The following AMZ1 variants were observed in gnomAD, a reference collection of about 807,000 sequenced individuals.
AMZ1 encodes the protein archaemetzincin-1.
A neutral mutation model predicts 29.9 loss-of-function variants in AMZ1; 39 were observed. That is an observed-to-expected ratio of 1.30 (90% CI 1.01 to 1.70). The LOEUF (loss-of-function observed/expected upper bound fraction) is 1.70, where lower values mean the gene tolerates loss of function less well. Among genes scored for constraint, AMZ1 ranks in the 40% most tolerant of loss-of-function variants. AMZ1 has a pLI of 0.00. For synonymous variants in AMZ1, 458 were observed against 304.0 expected (o/e 1.51, Z -5.27); for missense variants, 1,041 against 680.6 (o/e 1.53, Z -5.89).
intron 4 of AMZ1, 40 bp from the exon 5 acceptor site, chr7:2,709,035 G>T (rs773255375): frequency 2.6e-6 from 4 of 1,530,362 alleles, no homozygotes; most frequent in Admixed American, 2.1e-5. Flanking sequence ...CAGAGCCAAG[G>T]CTGACCCCTG....
At chr7:2,756,676 G>C (rs1422014423) in intron 4 of AMZ1, among the ~76,000 whole-genome samples, 1 of 152,222 alleles carries the variant, frequency 6.6e-6, no homozygotes, top group Non-Finnish European at 1.5e-5. Context: ...AAAGATTTCT[G>C]TGCTGTCAGA....
At chr7:2,761,220 G>A (rs1052743958), upstream of AMZ1, among the ~76,000 whole-genome samples, 2 of 151,994 alleles carry the variant, frequency 1.3e-5, no homozygotes, top group African/African-American at 2.4e-5. Flanking sequence ...CAGCAGCCCC[G>A]GCTCTGCTAC....
upstream of AMZ1, chr7:2,762,731 C>G: frequency 6.4e-7 from 1 of 1,557,340 alleles, no homozygotes; most frequent in Non-Finnish European, 8.7e-7. Context: ...GGCCCCATGT[C>G]CTCCCTCCCG....
At chr7:2,733,610 AT>A in intron 4 of AMZ1, 1 of 789,458 alleles carries the variant, frequency 1.3e-6, no homozygotes, top group Non-Finnish European at 2.2e-6. Context: ...CTCCGTGTGA[AT>A]GGGAAAGCAA....
chr7:2,705,059 G>A (rs2115131977), intron 3 of AMZ1, among the ~76,000 whole-genome samples: 1 of 152,328 alleles, frequency 6.6e-6, no homozygotes, highest in East Asian at 1.9e-4. Context: ...CAGTTATCCT[G>A]CTTCATTGTG....
At chr7:2,735,163 C>T (rs1176974951) in intron 4 of AMZ1, among the ~76,000 whole-genome samples, 1 of 152,182 alleles carries the variant, frequency 6.6e-6, no homozygotes, top group African/African-American at 2.4e-5. Flanking sequence ...TCTCCTGCCT[C>T]CTCCTGCTCT....
At chr7:2,680,216 T>A (rs946202694) in intron 1 of AMZ1, among the ~76,000 whole-genome samples, 1 of 151,986 alleles carries the variant, frequency 6.6e-6, no homozygotes, top group Non-Finnish European at 1.5e-5. Flanking sequence ...TTTCCTGGGA[T>A]GGGAGGCGCT....
chr7:2,763,230 A>ACC, upstream of AMZ1: 3 of 370,382 alleles, frequency 8.1e-6, no homozygotes, highest in Non-Finnish European at 3.9e-6. Flanking sequence ...ACACACACAC[A>ACC]CGGTCTCAAC....
At chr7:2,708,996 G>C (rs1281077264) in intron 4 of AMZ1, 79 bp from the exon 5 acceptor site, 2 of 1,466,142 alleles carry the variant, frequency 1.4e-6, no homozygotes, top group Admixed American at 2.4e-5. Context: ...TTGCATGAGA[G>C]CATGAGGTGG....
intron 2 of AMZ1, chr7:2,702,481 C>T (rs1374144234): frequency 9.3e-6 from 5 of 537,012 alleles, no homozygotes; most frequent in Non-Finnish European, 1.6e-5. Flanking sequence ...AGCTCATATG[C>T]GATTGTCACT....
At position 2,741,354 on chromosome 7, in the gene AMZ1, C is replaced by G. The variant is rs114194473; in HGVS notation, n.551-23358C>G. On this transcript the variant is annotated intron_variant and non_coding_transcript_variant, in intron 4 of 4. Coordinates refer to the AMZ1 transcript ENST00000489665. ...TGGGCAACAGAGTGAGACACTGTCT[C>G]TTAAAAAAAACCCAAAAACCTAAAT... Among the ~76,000 whole-genome samples, 814 of 152,162 alleles carry G rather than the reference C, an allele frequency of 5.3e-3. 7 individuals carry two copies. Among genetic ancestry groups the G allele is most frequent in the African/African-American group, 0.018 (757 of 41,498 alleles).
At chr7:2,709,332 TCA>T in intron 5 of AMZ1, 88 bp downstream of exon 5, 2 of 1,316,196 alleles carry the variant, frequency 1.5e-6, no homozygotes, top group Non-Finnish European at 1.0e-6. Context: ...TGCCCCATCC[TCA>T]CAGTGAAGTG....
At position 2,719,023 on chromosome 7, in the gene AMZ1, TTCC is replaced by T. The variant is rs1254130463; in HGVS notation, c.*6146_*6148del. On this transcript the variant is annotated 3_prime_UTR_variant, in exon 7 of 7. Coordinates refer to ENST00000683327, the MANE Select transcript of AMZ1 (RefSeq NM_001384743.1). The stretch of plus-strand genomic sequence containing the variant: ...GAACAGGCGACTTTTTTTTTTTTTT[TTCC>T]CCCCCATCTGAAGTGAGATCAAACT... 1.2e-4 allele frequency among the ~76,000 whole-genome samples: 12 copies of T among 100,960 alleles called. No homozygotes were observed. The highest frequency in any genetic ancestry group is 5.0e-4 in the African/African-American group (12 of 23,922). The allele number at this position is 100,960 out of a possible 152,430, so 66.2% of individuals were successfully genotyped here.
intron 4 of AMZ1, among the ~76,000 whole-genome samples, chr7:2,751,832 A>G (rs1791055008): frequency 6.6e-6 from 1 of 152,226 alleles, no homozygotes. Context: ...GAAAATTTGA[A>G]CAGCCTTTAA....
At chr7:2,691,131 C>CG (rs1787362378) in intron 1 of AMZ1, among the ~76,000 whole-genome samples, 1 of 68,744 alleles carries the variant, frequency 1.5e-5, no homozygotes, top group Admixed American at 1.7e-4. Flanking sequence ...GTGACAGAGG[C>CG]AAAAAAAAAA....
Position 2,700,471 on chromosome 7 carries a change from CA to C in AMZ1, c.21del (p.Gln8ArgfsTer10), listed in dbSNP as rs1787982650. On this transcript the variant is annotated frameshift_variant, in exon 2 of 7. Transcript: ENST00000683327. LOFTEE classifies it high-confidence loss of function. Reference protein sequence around the residue: MLQCRPAQEFSFGPRAL... With the variant: MLQCRPXQEFSFGPRAL... Reference sequence around the variant, plus strand: ...CCCACCATGCTGCAGTGTAGACCCGCACAGGAGTTCAGCTTCGGGCCCCGGG... The same window carrying C: ...CCCACCATGCTGCAGTGTAGACCCGCCAGGAGTTCAGCTTCGGGCCCCGGG... 1.2e-6 allele frequency: 2 copies of C among 1,601,926 alleles called. No individual in the cohort carries two copies. The highest frequency in any genetic ancestry group is 1.7e-6 in the Non-Finnish European group (2 of 1,179,870).
downstream of AMZ1, among the ~76,000 whole-genome samples, chr7:2,720,192 G>A (rs983092434): frequency 3.3e-5 from 5 of 151,864 alleles, no homozygotes; most frequent in Non-Finnish European, 7.4e-5. Context: ...CTCCTCTGCT[G>A]ACATGGACCG....
intron 1 of AMZ1, among the ~76,000 whole-genome samples, chr7:2,697,577 C>T (rs181199429): frequency 1.1e-3 from 161 of 152,088 alleles, no homozygotes; most frequent in Non-Finnish European, 1.7e-3. Context: ...GTGCGCGTCA[C>T]CATGCCCGGC....
Position 2,713,485 on chromosome 7 carries a change from GT to G in AMZ1, c.*609del, listed in dbSNP as rs1562377296. On this transcript the variant is annotated 3_prime_UTR_variant, in exon 7 of 7. Transcript: ENST00000683327. ...TTCCAGGCTGTGGGCCTGCCCTTCA[GT>G]TATTTATAGCTGGAGCTGGAGAGGC... 2.0e-5 allele frequency: 3 copies of G among 152,680 alleles called. No individual in the cohort carries two copies. The highest frequency in any genetic ancestry group is 2.9e-5 in the Non-Finnish European group (2 of 68,312). 9.5% of individuals were successfully genotyped at this position (152,680 alleles called of 1,614,324 possible).
Sources: gnomAD v4.1 joint callset for allele counts (sites outside exome capture counted in the v4.1 genomes callset) on GRCh38, gnomAD v4.1.1 for gene constraint, MANE v1.5 for transcripts, NCBI Gene and HGNC (gene_info 2026-07-23, HGNC 2026-07-21) for gene names.